Variants in DOCK10 observed in about 807,000 individuals in gnomAD.
The protein encoded by DOCK10 is dedicator of cytokinesis 10, also known as dedicator of cytokinesis protein 10.
Under a neutral mutation model 280.1 loss-of-function variants are expected in DOCK10, and 145 were observed. The observed-to-expected ratio is 0.52, with a 90% CI of 0.45 to 0.59. DOCK10 has a LOEUF of 0.59. DOCK10 is among the 20% of genes least tolerant of loss of function. The pLI, the probability that DOCK10 is intolerant of heterozygous loss-of-function variation, is 0.00. For missense variants in DOCK10, 2,368 were observed against 2,651.7 expected, an observed-to-expected ratio of 0.89 and a Z score of 2.35; for synonymous variants, 915 against 942.2, an observed-to-expected ratio of 0.97 and a Z score of 0.53.
At chr2:224,938,415 A>G (rs1702819237) in intron 1 of DOCK10, among the ~76,000 whole-genome samples, 1 of 152,204 alleles carries the variant, frequency 6.6e-6, no homozygotes, top group Non-Finnish European at 1.5e-5. Context: ...CCAATAGAGT[A>G]GGCTCTATTA....
At chr2:224,835,550 A>G (rs1347709922) in intron 25 of DOCK10, among the ~76,000 whole-genome samples, 2 of 152,250 alleles carry the variant, frequency 1.3e-5, no homozygotes, top group South Asian at 2.1e-4. Flanking sequence ...TGAATATCAC[A>G]TCTTTGGAGG....
chr2:224,851,235 AGAAT>A (rs1406825490), intron 18 of DOCK10, among the ~76,000 whole-genome samples: 1 of 152,164 alleles, frequency 6.6e-6, no homozygotes, highest in Non-Finnish European at 1.5e-5. Context: ...GTGGTATTTT[AGAAT>A]GCAGTGAAGC....
Position 224,830,612 on chromosome 2 carries a change from G to T in DOCK10, c.2965C>A (p.His989Asn). The part of the protein sequence containing the change: ...DSTTVKHVLK[H>N]SWFFFAIILK... ...ATAATTGCAAAGAAGAACCAGGAATGCTGTTGGGAAAAAAAAGGCAACGAG... is the reference window on the plus strand; with the variant it reads ...ATAATTGCAAAGAAGAACCAGGAATTCTGTTGGGAAAAAAAAGGCAACGAG... The change falls in exon 27 of 56, where the codon CAT becomes AAT. Residue 989 changes from histidine to asparagine, a missense_variant and splice_region_variant. Coordinates refer to ENST00000258390, the MANE Select transcript of DOCK10 (RefSeq NM_014689.3). 1 of 1,513,636 alleles carries T rather than the reference G, an allele frequency of 6.6e-7. No homozygotes were observed. Among genetic ancestry groups the T allele is most frequent in the East Asian group, 2.3e-5 (1 of 43,278 alleles). 93.8% of individuals were successfully genotyped at this position (1,513,636 alleles called of 1,614,324 possible). A position where few individuals can be genotyped will look rare whatever the true frequency, so the allele number is the denominator to read the frequency against.
chr2:224,997,254 C>CGGAG (rs2126278687), intron 1 of DOCK10, among the ~76,000 whole-genome samples: 1 of 126,506 alleles, frequency 7.9e-6, no homozygotes, highest in South Asian at 2.8e-4. Context: ...TCCTTTCTTT[C>CGGAG]GGAGTCTCAC....
intron 1 of DOCK10, among the ~76,000 whole-genome samples, chr2:224,951,538 C>T (rs1228209305): frequency 1.3e-5 from 2 of 152,162 alleles, no homozygotes; most frequent in Non-Finnish European, 2.9e-5. Context: ...GATTTAGAGA[C>T]ATGGGAATTT....
chr2:224,898,332 G>A (rs765927702), intron 3 of DOCK10, among the ~76,000 whole-genome samples: 8 of 152,180 alleles, frequency 5.3e-5, no homozygotes, highest in Non-Finnish European at 1.0e-4. Flanking sequence ...GACAAAACAA[G>A]GAGTGACCCT....
At chr2:224,965,611 T>A (rs917852363) in intron 1 of DOCK10, among the ~76,000 whole-genome samples, 1 of 152,262 alleles carries the variant, frequency 6.6e-6, no homozygotes. Flanking sequence ...TGTTGTGATA[T>A]CTTCTTAAAT....
chr2:224,901,362 G>A (rs1275547241), intron 3 of DOCK10, among the ~76,000 whole-genome samples: 1 of 152,136 alleles, frequency 6.6e-6, no homozygotes, highest in African/African-American at 2.4e-5. Context: ...CCTTTCAACT[G>A]GAGGCTGCCA....
At chr2:224,965,387 T>C (rs1268388216) in intron 1 of DOCK10, among the ~76,000 whole-genome samples, 1 of 152,218 alleles carries the variant, frequency 6.6e-6, no homozygotes, top group Non-Finnish European at 1.5e-5. Flanking sequence ...TCAAGGTCAA[T>C]GTTCCTACAC....
rs1191875892 is a variant in DOCK10 at position 224,789,149 on chromosome 2, G to A, written c.5333C>T (p.Pro1778Leu). 6.2e-7 allele frequency: 1 copy of A among 1,613,232 alleles called. No homozygotes were observed. The highest frequency in any genetic ancestry group is 8.5e-7 in the Non-Finnish European group (1 of 1,179,458). ...GTTTGGTGTAATGCTCAAAAAAGCT[G>A]GCCATCCCATAGAGAACATGCCTTG... ...SGGSMFSMGW[P>L]AFLSITPNIK... is the part of the protein sequence containing the mutation. Residue 1778 changes from proline to leucine, a missense_variant, in exon 48 of 56, where the codon CCA (proline) becomes CTA (leucine). Around this residue, in one of 2 missense-constraint regions of DOCK10, gnomAD observed 1,159 missense variants for 1,400.8 expected, o/e 0.83. Coordinates refer to ENST00000258390, the MANE Select transcript of DOCK10 (RefSeq NM_014689.3).
intron 1 of DOCK10, among the ~76,000 whole-genome samples, chr2:224,993,436 G>C (rs1382837818): frequency 6.6e-6 from 1 of 152,118 alleles, no homozygotes; most frequent in Non-Finnish European, 1.5e-5. Context: ...AAGCTCTACT[G>C]GTTATGGGCT....
chr2:224,961,340 T>C (rs1448092951), intron 1 of DOCK10, among the ~76,000 whole-genome samples: 2 of 152,164 alleles, frequency 1.3e-5, no homozygotes, highest in East Asian at 1.9e-4. Flanking sequence ...GCAACACAAC[T>C]CTCTCTCCAG....
chr2:224,904,304 C>A (rs1335839420), intron 3 of DOCK10, among the ~76,000 whole-genome samples: 3 of 151,838 alleles, frequency 2.0e-5, no homozygotes, highest in African/African-American at 7.3e-5. Flanking sequence ...GAATGAAGAG[C>A]CTTATTTTTC....
chr2:224,933,624 G>A (rs998395824), intron 1 of DOCK10, among the ~76,000 whole-genome samples: 9 of 152,126 alleles, frequency 5.9e-5, no homozygotes, highest in East Asian at 1.9e-4. Flanking sequence ...AAGCTCTTAC[G>A]TCTGCCTTAG....
intron 1 of DOCK10, among the ~76,000 whole-genome samples, chr2:225,024,185 G>T (rs1290838473): frequency 6.6e-6 from 1 of 152,178 alleles, no homozygotes; most frequent in Non-Finnish European, 1.5e-5. Context: ...TTAAGAGATA[G>T]CACATCTAAA....
At chr2:225,037,641 T>C (rs1023907857) in intron 1 of DOCK10, among the ~76,000 whole-genome samples, 2 of 152,326 alleles carry the variant, frequency 1.3e-5, no homozygotes, top group East Asian at 1.9e-4. Flanking sequence ...AATAACTTCC[T>C]CAAATGATTG....
chr2:224,771,965 T>C (rs10187360), intron 53 of DOCK10, among the ~76,000 whole-genome samples: 2,703 of 151,848 alleles, frequency 0.018, 73 homozygotes, highest in African/African-American at 0.057. Flanking sequence ...CTGTCACTGA[T>C]GCTGGAGTGC....
At position 224,786,904 on chromosome 2, in the gene DOCK10, G is replaced by A. The variant is rs1451676357; in HGVS notation, c.5655+118C>T. 2.6e-6 allele frequency: 2 copies of A among 755,962 alleles called. No homozygotes were observed. Among genetic ancestry groups the A allele is most frequent in the Non-Finnish European group, 4.6e-6 (2 of 430,912 alleles). 46.8% of individuals were successfully genotyped at this position (755,962 alleles called of 1,614,324 possible). The stretch of plus-strand genomic sequence containing the variant: ...ACATCCAGAGAAACACTCAAGTATA[G>A]TCAGACACACCCACACCTCTCCATT... On this transcript the variant is annotated intron_variant, in intron 50 of 55. Transcript: ENST00000258390. This position sits in a 1 kb window ranked among gnomAD's most constrained non-coding sequence, Gnocchi z 4.7.
At chr2:224,877,237 A>G (rs905537292) in intron 7 of DOCK10, among the ~76,000 whole-genome samples, 6 of 152,240 alleles carry the variant, frequency 3.9e-5, no homozygotes, top group Non-Finnish European at 5.9e-5. Flanking sequence ...CCTCCAGAGC[A>G]CTTACCATGA....
Sources: allele counts gnomAD v4.1 joint callset (sites outside exome capture counted in the v4.1 genomes callset), GRCh38; gene constraint gnomAD v4.1.1; regional missense constraint gnomAD v4.1.1; non-coding constraint Gnocchi (gnomAD v3.1); transcripts MANE v1.5; gene names NCBI Gene and HGNC (gene_info 2026-07-23, HGNC 2026-07-21).